TNKS2: variants seen among roughly 807,000 people sequenced by gnomAD.
TNKS2 encodes tankyrase 2.
A neutral mutation model predicts 137.6 loss-of-function variants in TNKS2; 72 were observed. The ratio of observed to expected loss-of-function variants is 0.52; its 90% confidence interval spans 0.43 to 0.64. The LOEUF (loss-of-function observed/expected upper bound fraction) is 0.64. TNKS2 is among the 30% of genes least tolerant of loss of function. The pLI is 0.00. For missense variants in TNKS2, 1,049 were observed against 1,410.2 expected, an observed-to-expected ratio of 0.74 and a Z score of 4.10; for synonymous variants, 516 against 512.1, an observed-to-expected ratio of 1.01 and a Z score of -0.10.
chr10:91,822,173 T>G (rs1844910852), intron 6 of TNKS2, 123 bp from the exon 7 acceptor site: 4 of 725,902 alleles, frequency 5.5e-6, no homozygotes, highest in Non-Finnish European at 8.6e-6. Context: ...ACATTTTTAT[T>G]AGAACATCAC....
In TNKS2 at chr10:91,864,721, A is replaced by T. The variant is rs1842934877; in HGVS notation, c.*1722A>T. On this transcript the variant is annotated 3_prime_UTR_variant, in exon 27 of 27. Coordinates refer to ENST00000371627, the MANE Select transcript of TNKS2 (RefSeq NM_025235.4). ...TCTCTAATAATTACAAATATCCGAAAGTCATTTCTTGGAACACAAGTGGAG... is the reference window on the plus strand; with the variant it reads ...TCTCTAATAATTACAAATATCCGAATGTCATTTCTTGGAACACAAGTGGAG... 6.6e-6 allele frequency: 1 copy of T among 152,606 alleles called. No homozygotes were observed. The highest frequency in any genetic ancestry group is 2.1e-4 in the South Asian group (1 of 4,830). 9.5% of individuals were successfully genotyped at this position (152,606 alleles called of 1,614,324 possible).
At chr10:91,821,964 T>TA (rs771253775) in intron 6 of TNKS2, among the ~76,000 whole-genome samples, 1 of 152,178 alleles carries the variant, frequency 6.6e-6, no homozygotes, top group Non-Finnish European at 1.5e-5. Flanking sequence ...CTTTTAGACT[T>TA]ACCTTTTAGA....
intron 1 of TNKS2, among the ~76,000 whole-genome samples, chr10:91,809,558 C>T (rs568832405): frequency 2.0e-5 from 3 of 151,552 alleles, no homozygotes; most frequent in African/African-American, 4.8e-5. Flanking sequence ...CCCAGCTACT[C>T]GGGAGGCTGA....
At chr10:91,856,659 AT>A (rs972766588) in intron 23 of TNKS2, among the ~76,000 whole-genome samples, 2 of 151,996 alleles carry the variant, frequency 1.3e-5, no homozygotes, top group African/African-American at 4.8e-5. Flanking sequence ...TGTAATAAAA[AT>A]TTTTTCAGTG....
rs574507156 is a variant in TNKS2 at position 91,798,774 on chromosome 10, G to T, written c.84G>T (p.Leu28=). 146 of 1,282,806 alleles carry T rather than the reference G, an allele frequency of 1.1e-4. No individual in the cohort carries two copies. Among genetic ancestry groups the T allele is most frequent in the Non-Finnish European group, 1.4e-4 (138 of 1,006,656 alleles). The allele number at this position is 1,282,806 out of a possible 1,614,324, so 79.5% of individuals were successfully genotyped here. ...CCGTGGAGCCGGCCGCCCGAGAGCT[G>T]TTCGAGGCGTGCCGCAACGGGGACG... ...AEAVEPAARE[L]FEACRNGDVE... is the part of the protein sequence containing the mutation. Residue 28 remains leucine (L), a synonymous_variant, in exon 1 of 27, where the codon CTG becomes CTT. Transcript: ENST00000371627.
chr10:91,816,068 C>G (rs922112123), intron 2 of TNKS2, among the ~76,000 whole-genome samples: 1 of 151,438 alleles, frequency 6.6e-6, no homozygotes, highest in African/African-American at 2.4e-5. Flanking sequence ...ACTGCCTCAG[C>G]CTCTCGAGTA....
At chr10:91,844,664 A>C (rs1468542627) in intron 16 of TNKS2, among the ~76,000 whole-genome samples, 4 of 152,230 alleles carry the variant, frequency 2.6e-5, no homozygotes, top group Non-Finnish European at 5.9e-5. Context: ...AAGCTAATTG[A>C]TAACACAAAA....
intron 19 of TNKS2, 73 bp from the exon 20 acceptor site, chr10:91,849,439 T>C: frequency 8.5e-7 from 1 of 1,181,382 alleles, no homozygotes; most frequent in Non-Finnish European, 1.2e-6. Flanking sequence ...ATTACAAGAC[T>C]TTACTGTTAT....
chr10:91,855,481 TTGAATAAC>T (rs1842679645), intron 22 of TNKS2, 125 bp from the exon 23 acceptor site: 2 of 791,852 alleles, frequency 2.5e-6, no homozygotes, highest in Admixed American at 6.4e-5. Flanking sequence ...CTCATATTCT[TTGAATAAC>T]AAAAATATTA....
chr10:91,861,307 C>G (rs558823545), intron 25 of TNKS2, among the ~76,000 whole-genome samples: 1 of 152,242 alleles, frequency 6.6e-6, no homozygotes, highest in African/African-American at 2.4e-5. Flanking sequence ...GAAAAGAAAA[C>G]TAATGTGCAT....
At chr10:91,805,282 A>G (rs1844289977) in intron 1 of TNKS2, among the ~76,000 whole-genome samples, 1 of 152,098 alleles carries the variant, frequency 6.6e-6, no homozygotes, top group Non-Finnish European at 1.5e-5. Context: ...GTAAAATCAT[A>G]CCTCTACTAT....
At chr10:91,808,581 C>T (rs1484706619) in intron 1 of TNKS2, among the ~76,000 whole-genome samples, 2 of 152,060 alleles carry the variant, frequency 1.3e-5, no homozygotes, top group Non-Finnish European at 2.9e-5. Flanking sequence ...GGAGCTTATG[C>T]TGGAGGTGAT....
chr10:91,855,701 T>C lies in TNKS2; in HGVS notation c.2988+13T>C, dbSNP rs150827509. On this transcript the variant is annotated intron_variant, in intron 23 of 26. Coordinates refer to ENST00000371627, the MANE Select transcript of TNKS2 (RefSeq NM_025235.4). ...CAATATTCTCAAGGTAATAAATTAG[T>C]GAAAGTAAAGTTTTCTGAGACTGTC... 12 of 1,599,118 alleles carry C rather than the reference T, an allele frequency of 7.5e-6. No homozygotes were observed. The highest frequency in any genetic ancestry group is 1.7e-4 in the Middle Eastern group (1 of 6,022).
chr10:91,852,516 C>T (rs529064268), intron 21 of TNKS2, among the ~76,000 whole-genome samples: 12 of 152,310 alleles, frequency 7.9e-5, no homozygotes, highest in East Asian at 3.9e-4. Context: ...GTTGAGATCA[C>T]GCCACTGCAC....
chr10:91,845,806 G>A lies in TNKS2; in HGVS notation c.2224G>A (p.Asp742Asn). ...IKYNACVNAT[D>N]KWAFTPLHEA... ...GTATAATGCATGTGTCAATGCCACG[G>A]ACAAATGGGCTTTCACACCTTTGCA... The change falls in exon 18 of 27, where the codon GAC (aspartate) becomes AAC (asparagine). Residue 742 changes from aspartate to asparagine, a missense_variant. By Grantham distance (23) the Asp-to-Asn change is conservative (BLOSUM62 1). Around this residue, in one of 6 missense-constraint regions of TNKS2, gnomAD observed 328 missense variants for 436.0 expected, o/e 0.75. Coordinates refer to ENST00000371627, the MANE Select transcript of TNKS2 (RefSeq NM_025235.4). 6.2e-7 allele frequency: 1 copy of A among 1,605,608 alleles called. No homozygotes were observed. Among genetic ancestry groups the A allele is most frequent in the Non-Finnish European group, 8.5e-7 (1 of 1,173,724 alleles).
intron 9 of TNKS2, among the ~76,000 whole-genome samples, chr10:91,829,199 A>G (rs551793058): frequency 1.3e-5 from 2 of 152,282 alleles, no homozygotes; most frequent in East Asian, 1.9e-4. Context: ...GCCTTATGCC[A>G]TAATGTAAAC....
At chr10:91,847,339 T>A (rs1333836690) in intron 18 of TNKS2, among the ~76,000 whole-genome samples, 6 of 152,160 alleles carry the variant, frequency 3.9e-5, no homozygotes, top group Non-Finnish European at 8.8e-5. Context: ...CTTTTTTCCA[T>A]TCTAGCAGAT....
In TNKS2 at chr10:91,863,665, T is replaced by C. The variant is rs928943421; in HGVS notation, c.*666T>C. On this transcript the variant is annotated 3_prime_UTR_variant, in exon 27 of 27. Transcript: ENST00000371627. ...GAAATCTTTCTCATTTAAGAACTTA[T>C]GAATATGCTGAAGATTTAATTTGTG... is the stretch of plus-strand genomic sequence containing the variant. The C allele has an allele frequency of 6.6e-6, 1 of 152,176 alleles. No individual in the cohort carries two copies. Among genetic ancestry groups the C allele is most frequent in the East Asian group, 1.9e-4 (1 of 5,202 alleles). 9.4% of individuals were successfully genotyped at this position (152,176 alleles called of 1,614,324 possible). A position where few individuals can be genotyped will look rare whatever the true frequency, so the allele number is the denominator to read the frequency against.
intron 1 of TNKS2, among the ~76,000 whole-genome samples, chr10:91,801,061 T>C (rs1844151321): frequency 6.6e-6 from 1 of 152,222 alleles, no homozygotes; most frequent in African/African-American, 2.4e-5. Context: ...TTTTAAAATT[T>C]TTTTAGCTGA....
Sources: gnomAD v4.1 joint callset for allele counts (sites outside exome capture counted in the v4.1 genomes callset) on GRCh38, gnomAD v4.1.1 for gene constraint, gnomAD v4.1.1 regional missense constraint, MANE v1.5 for transcripts, NCBI Gene and HGNC (gene_info 2026-07-23, HGNC 2026-07-21) for gene names.